The following ZMAT4 variants were observed in gnomAD, a reference collection of about 807,000 sequenced individuals.
ZMAT4 encodes the protein zinc finger matrin-type 4, also known as zinc finger matrin-type protein 4.
In ZMAT4, 17 loss-of-function variants were observed where a neutral mutation model predicts 28.7. That is an observed-to-expected ratio of 0.59 (90% CI 0.41 to 0.89). ZMAT4 has a LOEUF of 0.89. Among genes scored for constraint, ZMAT4 ranks in the 40% least tolerant of loss-of-function variants. The pLI is 0.00. For missense variants in ZMAT4, 240 were observed against 283.8 expected (o/e 0.85, Z 1.11); for synonymous variants, 117 against 109.2 (o/e 1.07, Z -0.44).
At chr8:40,758,899 G>A (rs1445031479) in intron 3 of ZMAT4, among the ~76,000 whole-genome samples, 1 of 152,156 alleles carries the variant, frequency 6.6e-6, no homozygotes, top group Non-Finnish European at 1.5e-5. Context: ...AATCAGTAAT[G>A]CTTTCTAATC....
At chr8:40,831,308 G>A (rs1045682197) in intron 1 of ZMAT4, among the ~76,000 whole-genome samples, 5 of 152,156 alleles carry the variant, frequency 3.3e-5, no homozygotes, top group African/African-American at 4.8e-5. Context: ...TGACCCTGAC[G>A]GACGGAGAAG....
At chr8:40,849,278 C>T (rs11778522) in intron 1 of ZMAT4, among the ~76,000 whole-genome samples, 37,210 of 152,146 alleles carry the variant, frequency 0.24, 4,676 homozygotes, top group Admixed American at 0.26. Flanking sequence ...TCATCATCTT[C>T]TAACCAAACA....
chr8:40,639,618 A>C (rs1230749571), intron 5 of ZMAT4, among the ~76,000 whole-genome samples: 7 of 92,034 alleles, frequency 7.6e-5, no homozygotes, highest in African/African-American at 2.4e-4. Flanking sequence ...GGGTGACAGA[A>C]GGCAAGAACA....
At position 40,697,240 on chromosome 8, in the gene ZMAT4, C is replaced by T. The variant is rs200244135; in HGVS notation, c.349+5G>A. 129 of 1,601,672 alleles carry T rather than the reference C, an allele frequency of 8.1e-5. No individual in the cohort carries two copies. The highest frequency in any genetic ancestry group is 1.2e-4 in the South Asian group (11 of 88,746). On this transcript the variant is annotated splice_donor_5th_base_variant and intron_variant, in intron 4 of 6. Transcript: ENST00000297737. The stretch of plus-strand genomic sequence containing the variant: ...TCTCCCCACGATCACTGTTCCTGCA[C>T]GTACCTGTGGTCTTTAATGGGGTCT...
chr8:40,541,838 A>C (rs570365951), intron 6 of ZMAT4, among the ~76,000 whole-genome samples: 2 of 152,316 alleles, frequency 1.3e-5, no homozygotes, highest in Admixed American at 1.3e-4. Context: ...GGGAAGGGAA[A>C]ATGTCGGACT....
intron 1 of ZMAT4, among the ~76,000 whole-genome samples, chr8:40,867,324 T>C (rs1170064183): frequency 1.3e-5 from 2 of 152,044 alleles, no homozygotes; most frequent in African/African-American, 4.8e-5. Context: ...TTCTAAGCCA[T>C]CTGGGCCACG....
At chr8:40,820,835 GTGTA>G (rs1433387719) in intron 2 of ZMAT4, among the ~76,000 whole-genome samples, 2 of 13,560 alleles carry the variant, frequency 1.5e-4, no homozygotes, top group African/African-American at 5.6e-4. Context: ...ATGTTTATGT[GTGTA>G]TGTGTGTATG....
intron 6 of ZMAT4, among the ~76,000 whole-genome samples, chr8:40,537,973 A>G (rs1802900646): frequency 6.6e-6 from 1 of 152,148 alleles, no homozygotes; most frequent in African/African-American, 2.4e-5. Flanking sequence ...CTGTAACCAA[A>G]AAATAAAATT....
chr8:40,771,558 T>A (rs1357516505), intron 2 of ZMAT4, among the ~76,000 whole-genome samples: 1 of 152,266 alleles, frequency 6.6e-6, no homozygotes, highest in Non-Finnish European at 1.5e-5. Context: ...CTGGTATAAT[T>A]GTCCACATTT....
At chr8:40,565,858 C>G (rs1803906219) in intron 6 of ZMAT4, among the ~76,000 whole-genome samples, 1 of 151,694 alleles carries the variant, frequency 6.6e-6, no homozygotes. Context: ...CCCAGTCACC[C>G]AACACCACAC....
At chr8:40,880,397 T>TA (rs1320703107) in intron 1 of ZMAT4, among the ~76,000 whole-genome samples, 2 of 151,136 alleles carry the variant, frequency 1.3e-5, no homozygotes, top group African/African-American at 2.4e-5. Context: ...ACAGAAATCC[T>TA]AAAAAATCAC....
chr8:40,817,761 C>A (rs1368171900), intron 2 of ZMAT4, among the ~76,000 whole-genome samples: 21 of 152,202 alleles, frequency 1.4e-4, no homozygotes, highest in Admixed American at 1.4e-3. Flanking sequence ...TTGGGAAGAA[C>A]TTGAGGTCAC....
At chr8:40,552,931 G>C (rs1003905143) in intron 6 of ZMAT4, among the ~76,000 whole-genome samples, 65 of 152,288 alleles carry the variant, frequency 4.3e-4, no homozygotes, top group African/African-American at 1.6e-3. Flanking sequence ...CTTATGCCTA[G>C]TGTTCCATTA....
chr8:40,532,106 A>T lies in ZMAT4; in HGVS notation c.*117T>A. ...AGATCAGTCGTATGTGAATCTGTGA[A>T]TCCTTATAAGAAATGTTTATTGTTC... On this transcript the variant is annotated 3_prime_UTR_variant, in exon 7 of 7. Coordinates refer to ENST00000297737, the MANE Select transcript of ZMAT4 (RefSeq NM_024645.3). The T allele has an allele frequency of 1.1e-6, 1 of 945,440 alleles. No homozygotes were observed. The highest frequency in any genetic ancestry group is 1.5e-6 in the Non-Finnish European group (1 of 678,382). 58.6% of individuals were successfully genotyped at this position (945,440 alleles called of 1,614,324 possible).
At chr8:40,534,808 A>G (rs1344965648) in intron 6 of ZMAT4, among the ~76,000 whole-genome samples, 1 of 150,056 alleles carries the variant, frequency 6.7e-6, no homozygotes, top group Non-Finnish European at 1.5e-5. Context: ...TCAGCCTCCC[A>G]AGTAGCTGGG....
At chr8:40,801,666 G>A (rs908947312) in intron 2 of ZMAT4, among the ~76,000 whole-genome samples, 36 of 151,914 alleles carry the variant, frequency 2.4e-4, no homozygotes, top group African/African-American at 4.3e-4. Context: ...GCGAAACTCT[G>A]TCTTAAAAAA....
intron 1 of ZMAT4, among the ~76,000 whole-genome samples, chr8:40,831,007 T>G (rs535114961): frequency 1.3e-5 from 2 of 152,350 alleles, no homozygotes; most frequent in African/African-American, 4.8e-5. Flanking sequence ...ATCATTACCA[T>G]TAATATTATT....
intron 1 of ZMAT4, among the ~76,000 whole-genome samples, chr8:40,860,669 C>T (rs973388605): frequency 6.6e-6 from 1 of 152,218 alleles, no homozygotes; most frequent in Non-Finnish European, 1.5e-5. Context: ...CCACATACTA[C>T]ATGTCTCTCA....
At chr8:40,697,590 G>C (rs770322373) in intron 3 of ZMAT4, among the ~76,000 whole-genome samples, 189 bp from the exon 4 acceptor site, 1 of 151,482 alleles carries the variant, frequency 6.6e-6, no homozygotes, top group Non-Finnish European at 1.5e-5. Flanking sequence ...TTTAAGTTCT[G>C]GGATACATGT....
Sources: allele counts gnomAD v4.1 joint callset (sites outside exome capture counted in the v4.1 genomes callset), GRCh38; gene constraint gnomAD v4.1.1; transcripts MANE v1.5; gene names NCBI Gene and HGNC (gene_info 2026-07-23, HGNC 2026-07-21).